PTPRN2: variants seen among roughly 807,000 people sequenced by gnomAD.
The protein encoded by PTPRN2 is receptor-type tyrosine-protein phosphatase N2.
Under a neutral mutation model 118.8 loss-of-function variants are expected in PTPRN2, and 74 were observed. That is an observed-to-expected ratio of 0.62 (90% CI 0.52 to 0.76). The LOEUF is 0.76. Ranked by LOEUF, PTPRN2 falls within the 30% of genes least tolerant of loss-of-function variation. The probability of loss-of-function intolerance (pLI) is 0.00; values close to 1 mark genes in which losing one functional copy is unlikely to be tolerated. For synonymous variants in PTPRN2, 641 were observed against 608.0 expected (o/e 1.05, Z -0.80); for missense variants, 1,481 against 1,394.4 (o/e 1.06, Z -0.99).
At chr7:158,138,958 C>G (rs901460636) in intron 6 of PTPRN2, among the ~76,000 whole-genome samples, 4 of 135,020 alleles carry the variant, frequency 3.0e-5, no homozygotes, top group African/African-American at 7.8e-5. Flanking sequence ...ACACCCTGCC[C>G]AGCACACCCT....
chr7:158,459,525 C>G (rs1012234256), intron 2 of PTPRN2, among the ~76,000 whole-genome samples: 2 of 152,206 alleles, frequency 1.3e-5, no homozygotes, highest in Non-Finnish European at 2.9e-5. Context: ...AGCCGCAAAC[C>G]CATGCACGCC....
intron 2 of PTPRN2, among the ~76,000 whole-genome samples, chr7:158,484,520 G>T (rs919610169): frequency 2.0e-5 from 3 of 152,082 alleles, no homozygotes; most frequent in African/African-American, 7.2e-5. Flanking sequence ...GCGCCACCAC[G>T]CCCAGCTAAT....
At chr7:158,198,247 G>A (rs1379548624) in intron 4 of PTPRN2, among the ~76,000 whole-genome samples, 6 of 152,236 alleles carry the variant, frequency 3.9e-5, no homozygotes, top group Admixed American at 6.5e-5. Context: ...AGTATGTTAC[G>A]GCAATGAGAG....
At chr7:158,214,127 A>C (rs936823708) in intron 3 of PTPRN2, among the ~76,000 whole-genome samples, 8 of 152,126 alleles carry the variant, frequency 5.3e-5, no homozygotes, top group Non-Finnish European at 8.8e-5. Flanking sequence ...ATGGGAGTTT[A>C]AGCATCTCCT....
At chr7:158,174,207 A>C (rs1480493824) in intron 5 of PTPRN2, among the ~76,000 whole-genome samples, 2 of 152,208 alleles carry the variant, frequency 1.3e-5, no homozygotes, top group African/African-American at 4.8e-5. Flanking sequence ...TGAAGTCTTC[A>C]CAATTTATGT....
rs775098000 is a variant in PTPRN2 at position 158,192,494 on chromosome 7, G to T, written c.382C>A (p.Pro128Thr). Residue 128 changes from proline (P) to threonine (T), a missense_variant and splice_region_variant, in exon 5 of 23, where the codon CCC becomes ACC. By Grantham distance (38) the Pro-to-Thr change is conservative. Transcript: ENST00000389418. The stretch of plus-strand genomic sequence containing the variant: ...TCGCTGCCAACGCTGTGTTTTGAGG[G>T]CCTGAAAAAGCAAAAGAAACCAGAC... ...RRPEASSPAR[P>T]SKHSVGSERR... 1.3e-6 allele frequency: 2 copies of T among 1,578,752 alleles called. No individual in the cohort carries two copies. Among genetic ancestry groups the T allele is most frequent in the Non-Finnish European group, 1.7e-6 (2 of 1,165,982 alleles).
intron 11 of PTPRN2, among the ~76,000 whole-genome samples, chr7:158,004,688 A>G (rs1357704573): frequency 6.6e-6 from 1 of 152,204 alleles, no homozygotes; most frequent in African/African-American, 2.4e-5. Context: ...TTCATTTTTT[A>G]AAAAATTCAT....
chr7:158,340,169 G>A (rs1184817564), intron 2 of PTPRN2, among the ~76,000 whole-genome samples: 1 of 85,490 alleles, frequency 1.2e-5, no homozygotes, highest in African/African-American at 4.0e-5. Flanking sequence ...CATAAGACCT[G>A]ACACTCGCAG....
chr7:157,959,913 C>T (rs1801413576), intron 11 of PTPRN2, among the ~76,000 whole-genome samples: 1 of 152,150 alleles, frequency 6.6e-6, no homozygotes, highest in African/African-American at 2.4e-5. Context: ...TCCCAACAGC[C>T]AGAAGGTGGA....
chr7:157,909,544 C>T (rs1315597383), intron 11 of PTPRN2, among the ~76,000 whole-genome samples: 1 of 152,254 alleles, frequency 6.6e-6, no homozygotes, highest in Non-Finnish European at 1.5e-5. Flanking sequence ...TCACCTCCAA[C>T]AGCCCCCTCG....
chr7:157,982,967 A>G (rs1803420998), intron 11 of PTPRN2, among the ~76,000 whole-genome samples: 1 of 74,408 alleles, frequency 1.3e-5, no homozygotes, highest in African/African-American at 5.6e-5. Context: ...AGGGGAATGC[A>G]GAGTGCAGGG....
chr7:158,224,616 A>G (rs1196164490), intron 3 of PTPRN2, among the ~76,000 whole-genome samples: 2 of 152,182 alleles, frequency 1.3e-5, no homozygotes, highest in Non-Finnish European at 2.9e-5. Flanking sequence ...AAAATGCAAA[A>G]CTATAAAACT....
chr7:158,147,276 C>A (rs1186782040), intron 6 of PTPRN2, among the ~76,000 whole-genome samples: 99 of 111,184 alleles, frequency 8.9e-4, no homozygotes, highest in African/African-American at 3.5e-3. Flanking sequence ...CCATCTCACG[C>A]CACGTGTCTT....
At chr7:157,737,667 T>TC (rs1800382651) in intron 12 of PTPRN2, among the ~76,000 whole-genome samples, 1 of 152,146 alleles carries the variant, frequency 6.6e-6, no homozygotes, top group Non-Finnish European at 1.5e-5. Flanking sequence ...GGGTTTGCTT[T>TC]CCCCAGAATG....
chr7:158,019,256 T>A (rs4716533), intron 11 of PTPRN2, among the ~76,000 whole-genome samples: 1 of 152,202 alleles, frequency 6.6e-6, no homozygotes, highest in African/African-American at 2.4e-5. Context: ...TAATAGAGTG[T>A]GTTTTGTCAC....
intron 12 of PTPRN2, among the ~76,000 whole-genome samples, chr7:157,767,129 G>A (rs1228789561): frequency 6.6e-6 from 1 of 152,200 alleles, no homozygotes; most frequent in African/African-American, 2.4e-5. Context: ...CACTTGCAGT[G>A]TAGATGAGGA....
chr7:158,170,582 C>A (rs1344413339), intron 5 of PTPRN2, among the ~76,000 whole-genome samples: 2 of 152,146 alleles, frequency 1.3e-5, no homozygotes, highest in Non-Finnish European at 2.9e-5. Flanking sequence ...AACAACAGAG[C>A]CTGTAGAAAT....
intron 11 of PTPRN2, among the ~76,000 whole-genome samples, chr7:158,071,012 GGTGCTCGTGGTGGAGGTGCTCTTAGTA>G: frequency 1.8e-5 from 2 of 113,930 alleles, no homozygotes; most frequent in Non-Finnish European, 1.8e-5. Context: ...TGGTGGTGGA[GGTGCTCGTGGTGGAGGTGCTCTTAGTA>G]TGGAGGTGCT....
At chr7:158,377,741 G>A (rs1184555275) in intron 2 of PTPRN2, among the ~76,000 whole-genome samples, 1 of 152,208 alleles carries the variant, frequency 6.6e-6, no homozygotes. Context: ...GTCCGCAGCT[G>A]GAGAGCTGAC....
Sources: allele counts gnomAD v4.1 joint callset (sites outside exome capture counted in the v4.1 genomes callset), GRCh38; gene constraint gnomAD v4.1.1; transcripts MANE v1.5; gene names NCBI Gene and HGNC (gene_info 2026-07-23, HGNC 2026-07-21).